Variants in GRB2 observed in about 807,000 individuals in gnomAD.
GRB2 encodes growth factor receptor bound protein 2.
In GRB2, 2 loss-of-function variants were observed where a neutral mutation model predicts 27.4. That is an observed-to-expected ratio of 0.07 (90% CI 0.03 to 0.23). The LOEUF (loss-of-function observed/expected upper bound fraction) is 0.23. Ranked by LOEUF, GRB2 falls within the 10% of genes least tolerant of loss-of-function variation. The pLI is 1.00. For synonymous variants in GRB2, 94 were observed against 99.6 expected (o/e 0.94, Z 0.33); for missense variants, 102 against 282.4 (o/e 0.36, Z 4.58).
At chr17:75,368,940 A>G (rs575472987) in intron 2 of GRB2, among the ~76,000 whole-genome samples, 16 of 152,298 alleles carry the variant, frequency 1.1e-4, no homozygotes, top group African/African-American at 3.9e-4. Context: ...GTGCTTCCAT[A>G]TTTCAGTTAG....
At chr17:75,323,930 C>T (rs2078478104) in intron 4 of GRB2, among the ~76,000 whole-genome samples, 2 of 152,006 alleles carry the variant, frequency 1.3e-5, no homozygotes, top group Non-Finnish European at 2.9e-5. Context: ...CTGCTTCAGC[C>T]TCCGGAGTAG....
At chr17:75,359,301 C>T (rs2078762330) in intron 2 of GRB2, among the ~76,000 whole-genome samples, 1 of 151,324 alleles carries the variant, frequency 6.6e-6, no homozygotes, top group African/African-American at 2.4e-5. Context: ...AAGCCAAGGG[C>T]TCAAGACCAG....
chr17:75,351,051 A>T (rs1265727756), intron 2 of GRB2, among the ~76,000 whole-genome samples: 1 of 152,138 alleles, frequency 6.6e-6, no homozygotes, highest in East Asian at 1.9e-4. Flanking sequence ...TGTGTGTGGC[A>T]CACGGCTCTG....
chr17:75,365,769 ACC>A (rs2078815179), intron 2 of GRB2, among the ~76,000 whole-genome samples: 1 of 152,202 alleles, frequency 6.6e-6, no homozygotes, highest in Non-Finnish European at 1.5e-5. Flanking sequence ...ACAATTAATA[ACC>A]AGTGGGTGCC....
At chr17:75,370,854 G>A (rs2078850785) in intron 2 of GRB2, 1 of 152,160 alleles carries the variant, frequency 6.6e-6, no homozygotes. Context: ...AAATTCAGGT[G>A]GGAAAGCCAA....
intron 4 of GRB2, among the ~76,000 whole-genome samples, chr17:75,323,881 C>G (rs944672675): frequency 6.6e-6 from 1 of 151,840 alleles, no homozygotes; most frequent in Non-Finnish European, 1.5e-5. Context: ...TCAGTCTCGG[C>G]TCACTGCAAC....
At chr17:75,375,682 G>A (rs1365494288) in intron 2 of GRB2, among the ~76,000 whole-genome samples, 1 of 151,978 alleles carries the variant, frequency 6.6e-6, no homozygotes, top group Non-Finnish European at 1.5e-5. Context: ...AGGAGTTTGA[G>A]ACCATCTTGG....
chr17:75,381,012 GTTCAGCCA>G (rs1250301390), intron 2 of GRB2, among the ~76,000 whole-genome samples: 1 of 152,178 alleles, frequency 6.6e-6, no homozygotes, highest in African/African-American at 2.4e-5. Context: ...GTAACCATTT[GTTCAGCCA>G]TTCAGACAAT....
At chr17:75,341,825 A>G (rs1050896304) in intron 2 of GRB2, among the ~76,000 whole-genome samples, 3 of 152,212 alleles carry the variant, frequency 2.0e-5, no homozygotes, top group African/African-American at 7.2e-5. Flanking sequence ...CCAAATGTCC[A>G]GGCAACAACG....
At chr17:75,392,887 T>C (rs567323533) in intron 2 of GRB2, among the ~76,000 whole-genome samples, 3 of 152,352 alleles carry the variant, frequency 2.0e-5, no homozygotes, top group African/African-American at 7.2e-5. Context: ...ATTTTTAAAC[T>C]GTCAGCAGGT....
chr17:75,401,847 A>G (rs1476175979), intron 1 of GRB2, among the ~76,000 whole-genome samples: 1 of 152,248 alleles, frequency 6.6e-6, no homozygotes, highest in Non-Finnish European at 1.5e-5. Flanking sequence ...ATTATCCACT[A>G]TAGTGTGGGC....
chr17:75,349,362 GAT>G (rs1430967555), intron 2 of GRB2, among the ~76,000 whole-genome samples: 1 of 152,140 alleles, frequency 6.6e-6, no homozygotes, highest in East Asian at 1.9e-4. Context: ...CTGCCTAACA[GAT>G]AAGACAAGCT....
intron 2 of GRB2, among the ~76,000 whole-genome samples, chr17:75,336,365 T>C (rs2078576815): frequency 6.6e-6 from 1 of 152,238 alleles, no homozygotes; most frequent in African/African-American, 2.4e-5. Context: ...TATACACTTG[T>C]TCTTGGAAGA....
At chr17:75,330,379 TCAAACAAACAAA>T (rs370595543) in intron 3 of GRB2, among the ~76,000 whole-genome samples, 1 of 149,844 alleles carries the variant, frequency 6.7e-6, no homozygotes, top group African/African-American at 2.5e-5. Flanking sequence ...AGACTCCATC[TCAAACAAACAAA>T]CAAACAAACA....
At chr17:75,362,039 A>C (rs924129314) in intron 2 of GRB2, among the ~76,000 whole-genome samples, 1 of 152,150 alleles carries the variant, frequency 6.6e-6, no homozygotes, top group African/African-American at 2.4e-5. Flanking sequence ...AACCACATAC[A>C]TTGTGCCATA....
Position 75,393,587 on chromosome 17 carries a change from G to C in GRB2, c.42C>G (p.Asp14Glu). ...IAKYDFKATADDELSFKRGDI... is the reference protein window; with the variant it reads ...IAKYDFKATAEDELSFKRGDI... ...CCCCCCTTTTGAAGCTCAGCTCGTC[G>C]TCTGCAGTAGCTTTGAAGTCATATT... The change falls in exon 2 of 6, where the codon GAC becomes GAG. Residue 14 changes from aspartate to glutamate, a missense_variant. This residue lies in a region of GRB2 where 45 missense variants were observed against 110.6 expected (regional missense o/e 0.41). Coordinates refer to ENST00000316804, the MANE Select transcript of GRB2 (RefSeq NM_002086.5). 1.2e-6 allele frequency: 2 copies of C among 1,614,088 alleles called. No individual in the cohort carries two copies. Among genetic ancestry groups the C allele is most frequent in the Non-Finnish European group, 8.5e-7 (1 of 1,179,938 alleles).
chr17:75,393,681 C>G lies in GRB2; in HGVS notation c.-53G>C. 1 of 1,430,368 alleles carries G rather than the reference C, an allele frequency of 7.0e-7. No homozygotes were observed. Among genetic ancestry groups the G allele is most frequent in the Non-Finnish European group, 9.9e-7 (1 of 1,013,866 alleles). The allele number at this position is 1,430,368 out of a possible 1,614,324, so 88.6% of individuals were successfully genotyped here. On this transcript the variant is annotated 5_prime_UTR_variant, in exon 2 of 6. Coordinates refer to ENST00000316804, the MANE Select transcript of GRB2 (RefSeq NM_002086.5). ...CTGAAGCAGGGGGAAGGGAGTCTTC[C>G]CTGCTGAAGCAACCCAGCGCTCTGG...
At chr17:75,382,114 T>G (rs1203585005) in intron 2 of GRB2, among the ~76,000 whole-genome samples, 1 of 151,918 alleles carries the variant, frequency 6.6e-6, no homozygotes, top group Admixed American at 6.6e-5. Context: ...TCCCAGCTAT[T>G]TGGAAGGCTG....
At chr17:75,394,814 G>A (rs923971222) in intron 1 of GRB2, 1 of 152,196 alleles carries the variant, frequency 6.6e-6, no homozygotes, top group African/African-American at 2.4e-5. Context: ...GCATTTTGCA[G>A]GTAAAAGATT....
Sources: allele counts gnomAD v4.1 joint callset (sites outside exome capture counted in the v4.1 genomes callset), GRCh38; gene constraint gnomAD v4.1.1; regional missense constraint gnomAD v4.1.1; transcripts MANE v1.5; gene names NCBI Gene and HGNC (gene_info 2026-07-23, HGNC 2026-07-21).